SI: variants seen among roughly 807,000 people sequenced by gnomAD.
The protein encoded by SI is sucrase-isomaltase, intestinal.
In SI, 235 loss-of-function variants were observed where a neutral mutation model predicts 253.3. The ratio of observed to expected loss-of-function variants is 0.93; its 90% CI spans 0.83 to 1.03. The LOEUF is 1.03. SI is among the 50% of genes least tolerant of loss of function. The pLI is 0.00. For synonymous variants in SI, 819 were observed against 712.0 expected (o/e 1.15, Z -2.39); for missense variants, 2,442 against 2,211.1 (o/e 1.10, Z -2.09).
chr3:165,045,722 A>G (rs1228727474), intron 16 of SI, among the ~76,000 whole-genome samples: 4 of 151,222 alleles, frequency 2.6e-5, no homozygotes, highest in Non-Finnish European at 5.9e-5. Context: ...TTAAATATTA[A>G]CAGCTGAAAT....
At position 164,998,597 on chromosome 3, in the gene SI, CT is replaced by C. The variant is rs767987247; in HGVS notation, c.4482del (p.Gly1495AspfsTer21). The C allele has an allele frequency of 3.1e-6, 5 of 1,612,026 alleles. No homozygotes were observed. The South Asian group carries it at 3.3e-5, about 11-fold the overall frequency. ...GCATAGTTGTCTCCAAGCCAGTGTC[CT>C]CCCCATCGTCCACTAGTAGGATACG... is the stretch of plus-strand genomic sequence containing the variant. ...RSTYPTSGRWGGHWLGDNYAR... is the reference protein window; with the variant it reads ...RSTYPTSGRWXGHWLGDNYAR... On this transcript the variant is annotated frameshift_variant, in exon 38 of 48. Coordinates refer to ENST00000264382, the MANE Select transcript of SI (RefSeq NM_001041.4). LOFTEE classifies it high-confidence loss of function.
intron 24 of SI, among the ~76,000 whole-genome samples, chr3:165,031,303 T>C (rs892429987): frequency 1.3e-4 from 19 of 149,016 alleles, no homozygotes; most frequent in East Asian, 3.9e-4. Context: ...GATCAATCTA[T>C]GCACAGCAGA....
At chr3:165,078,686 CTT>C (rs1450547924), upstream of SI, among the ~76,000 whole-genome samples, 5 of 151,576 alleles carry the variant, frequency 3.3e-5, no homozygotes, top group Admixed American at 1.3e-4. Context: ...GTCAGATACT[CTT>C]TGATTTCTCA....
At chr3:165,001,673 G>A (rs893448014) in intron 37 of SI, among the ~76,000 whole-genome samples, 13 of 151,316 alleles carry the variant, frequency 8.6e-5, no homozygotes. Flanking sequence ...ATGTCTGAAA[G>A]ACATGCATTT....
Position 165,031,946 on chromosome 3 carries a change from T to C in SI, c.2736+576A>G, listed in dbSNP as rs1315410931. On this transcript the variant is annotated intron_variant, in intron 24 of 47. Coordinates refer to ENST00000264382, the MANE Select transcript of SI (RefSeq NM_001041.4). ...AATCTGTGCATCCAATAACAGTGCA[T>C]CCAATTTTGTTATTTTTTCCCCTCT... Among the ~76,000 whole-genome samples, 5 of 151,280 alleles carry C rather than the reference T, an allele frequency of 3.3e-5. No homozygotes were observed. The East Asian group carries it at 5.8e-4, about 18-fold the overall frequency.
intron 44 of SI, among the ~76,000 whole-genome samples, chr3:164,989,564 A>G (rs1426651921): frequency 6.6e-6 from 1 of 152,104 alleles, no homozygotes; most frequent in Non-Finnish European, 1.5e-5. Context: ...AGTTTGATGG[A>G]GTAGTGATAC....
chr3:165,026,058 C>T (rs964330318), intron 25 of SI, among the ~76,000 whole-genome samples: 1 of 151,306 alleles, frequency 6.6e-6, no homozygotes, highest in African/African-American at 2.4e-5. Flanking sequence ...GATAACTATT[C>T]ACCAACCAAC....
intron 26 of SI, among the ~76,000 whole-genome samples, chr3:165,022,400 T>A (rs1274321963): frequency 1.3e-5 from 2 of 149,818 alleles, no homozygotes; most frequent in Non-Finnish European, 3.0e-5. Context: ...CACATGGAAC[T>A]CATTCTAAAT....
chr3:165,036,704 A>G (rs928323344), intron 21 of SI, among the ~76,000 whole-genome samples: 3 of 151,864 alleles, frequency 2.0e-5, no homozygotes, highest in Non-Finnish European at 4.4e-5. Flanking sequence ...AAAAGAATAA[A>G]TGTAATAAAT....
chr3:164,984,007 G>A (rs889282684), intron 45 of SI, among the ~76,000 whole-genome samples: 5 of 151,986 alleles, frequency 3.3e-5, no homozygotes, highest in Admixed American at 6.6e-5. Flanking sequence ...TACTCTAAAA[G>A]ATATTTTATT....
At chr3:165,055,124 T>G in intron 13 of SI, 70 bp downstream of exon 13, 1 of 896,114 alleles carries the variant, frequency 1.1e-6, no homozygotes, top group Admixed American at 1.8e-5. Flanking sequence ...TTTTGTTGAC[T>G]TAGTAATTTT....
At position 165,017,606 on chromosome 3, in the gene SI, G is replaced by T; in HGVS notation, c.3701C>A (p.Ala1234Glu). ...LGFQLCRYGYANTSEVRELYD... is the reference protein window; with the variant it reads ...LGFQLCRYGYENTSEVRELYD... ...TAATTCCCGAACCTCTGAAGTATTT[G>T]CATATCCATAACGACATAATTGGAA... The change falls in exon 31 of 48, where the codon GCA (alanine) becomes GAA (glutamate). Residue 1234 changes from alanine (A) to glutamate (E), a missense_variant. Ala to Glu is a moderately radical substitution (Grantham distance 107). Transcript: ENST00000264382. The T allele has an allele frequency of 6.2e-7, 1 of 1,612,504 alleles. No individual in the cohort carries two copies. The highest frequency in any genetic ancestry group is 8.5e-7 in the Non-Finnish European group (1 of 1,178,914).
At chr3:165,002,448 T>C (rs1718298953) in intron 37 of SI, among the ~76,000 whole-genome samples, 1 of 151,774 alleles carries the variant, frequency 6.6e-6, no homozygotes, top group Admixed American at 6.6e-5. Flanking sequence ...CTTTCGTTGC[T>C]TCTTGTTTGT....
At chr3:165,077,768 T>C (rs987146845) in intron 1 of SI, among the ~76,000 whole-genome samples, 3 of 151,626 alleles carry the variant, frequency 2.0e-5, no homozygotes, top group African/African-American at 7.2e-5. Flanking sequence ...GCTTTCCTTT[T>C]TGATAAGGGA....
intron 22 of SI, among the ~76,000 whole-genome samples, chr3:165,034,856 TTACTC>T (rs947846850): frequency 6.6e-6 from 1 of 152,016 alleles, no homozygotes; most frequent in African/African-American, 2.4e-5. Flanking sequence ...TTTAAAATGA[TTACTC>T]TACCTGCTGG....
At chr3:165,003,387 C>A (rs1718347511) in intron 37 of SI, among the ~76,000 whole-genome samples, 1 of 151,860 alleles carries the variant, frequency 6.6e-6, no homozygotes, top group Non-Finnish European at 1.5e-5. Context: ...AATTATGCCC[C>A]AATATTGTGT....
At position 164,996,594 on chromosome 3, in the gene SI, A is replaced by G. The variant is rs759927786; in HGVS notation, c.4633T>C (p.Trp1545Arg). 6.2e-7 allele frequency: 1 copy of G among 1,610,418 alleles called. No homozygotes were observed. The highest frequency in any genetic ancestry group is 1.3e-5 in the African/African-American group (1 of 74,746). The part of the protein sequence containing the change: ...NNSEYHLCTR[W>R]MQLGAFYPYS... The stretch of plus-strand genomic sequence containing the variant: ...GGATAAAATGCTCCAAGTTGCATCC[A>G]GCGGGTACAGAGATGATATTCTGAG... Residue 1545 changes from tryptophan (W) to arginine (R), a missense_variant, in exon 40 of 48, where the codon TGG becomes CGG. Trp to Arg is a moderately radical substitution (Grantham distance 101). Transcript: ENST00000264382.
At chr3:165,025,276 A>G (rs1056982359) in intron 25 of SI, among the ~76,000 whole-genome samples, 1 of 151,268 alleles carries the variant, frequency 6.6e-6, no homozygotes, top group African/African-American at 2.4e-5. Context: ...AGGTTTTTGA[A>G]TTAACTCAAT....
Position 165,018,027 on chromosome 3 carries a change from C to T in SI, c.3463G>A (p.Ala1155Thr), listed in dbSNP as rs151040229. 6.8e-6 allele frequency: 11 copies of T among 1,611,292 alleles called. No individual in the cohort carries two copies. Among genetic ancestry groups the T allele is most frequent in the Non-Finnish European group, 8.5e-6 (10 of 1,177,778 alleles). Residue 1155 changes from alanine to threonine, a missense_variant, in exon 29 of 48, where the codon GCT becomes ACT. Physicochemically the swap from Ala to Thr is moderately conservative, Grantham distance 58. Coordinates refer to ENST00000264382, the MANE Select transcript of SI (RefSeq NM_001041.4). ...TGAGCATTGCCCTCCTCTTCCAGAG[C>T]CATGTAATAGGGATGAAATCCATAG... ...NSYGFHPYYM[A>T]LEEEGNAHGV...
Sources: allele counts gnomAD v4.1 joint callset (sites outside exome capture counted in the v4.1 genomes callset), GRCh38; gene constraint gnomAD v4.1.1; transcripts MANE v1.5; gene names NCBI Gene and HGNC (gene_info 2026-07-23, HGNC 2026-07-21).